The following GNPAT variants were observed in gnomAD, a reference collection of about 807,000 sequenced individuals.
GNPAT encodes the protein dihydroxyacetone phosphate acyltransferase.
In GNPAT, 30 loss-of-function variants were observed where a neutral mutation model predicts 78.4. The observed-to-expected ratio is 0.38, with a 90% CI of 0.29 to 0.52. GNPAT has a LOEUF of 0.52. Among genes scored for constraint, GNPAT ranks in the 20% least tolerant of loss-of-function variants. The pLI is 0.84. For missense variants in GNPAT, 714 were observed against 812.2 expected (o/e 0.88, Z 1.47); for synonymous variants, 271 against 281.1 (o/e 0.96, Z 0.36).
chr1:231,273,020 G>A (rs913942873), intron 11 of GNPAT, among the ~76,000 whole-genome samples: 2 of 152,076 alleles, frequency 1.3e-5, no homozygotes, highest in African/African-American at 4.8e-5. Flanking sequence ...ACATTTTCCT[G>A]TTAGCAAGTT....
rs1025481980 is a variant in GNPAT, at chr1:231,277,752, CTATG to C, written c.*212_*215del. On this transcript the variant is annotated 3_prime_UTR_variant, in exon 16 of 16. Transcript: ENST00000366647. ...GGTTAAAAGGCGTTTGTATCTGACA[CTATG>C]TGTGTGTTTTAAAATAAACTTTTGG... 25 of 544,670 alleles carry C rather than the reference CTATG, an allele frequency of 4.6e-5. No homozygotes were observed. Among genetic ancestry groups the C allele is most frequent in the Admixed American group, 6.4e-5 (2 of 31,308 alleles). 33.7% of individuals were successfully genotyped at this position (544,670 alleles called of 1,614,324 possible).
chr1:231,277,429 A>C (rs1685748576), intron 15 of GNPAT, 70 bp from the exon 16 acceptor site: 1 of 914,792 alleles, frequency 1.1e-6, no homozygotes, highest in Non-Finnish European at 1.8e-6. Context: ...ACAGTCGCCC[A>C]AGGAACAGCT....
chr1:231,274,061 A>G lies in GNPAT; in HGVS notation c.1742A>G (p.Gln581Arg), dbSNP rs770991614. The change falls in exon 12 of 16, where the codon CAG becomes CGG. Residue 581 changes from glutamine (Q) to arginine (R), a missense_variant and splice_region_variant. Gln to Arg is a conservative substitution (Grantham distance 43). Transcript: ENST00000366647. ...GLFKPFVESYQIICKYLLSEE... is the reference protein window; with the variant it reads ...GLFKPFVESYRIICKYLLSEE... ...TTTAAACCTTTTGTGGAAAGCTATCAGGTATGTAAATTTGGCAAGTTCTCC... is the reference window on the plus strand; with the variant it reads ...TTTAAACCTTTTGTGGAAAGCTATCGGGTATGTAAATTTGGCAAGTTCTCC... The G allele has an allele frequency of 6.2e-7, 1 of 1,612,956 alleles. No homozygotes were observed. Among genetic ancestry groups the G allele is most frequent in the Non-Finnish European group, 8.5e-7 (1 of 1,179,062 alleles).
intron 9 of GNPAT, among the ~76,000 whole-genome samples, chr1:231,269,398 G>C (rs924655542): frequency 6.6e-6 from 1 of 152,076 alleles, no homozygotes; most frequent in Non-Finnish European, 1.5e-5. Flanking sequence ...GGACCTCCCC[G>C]CCTCCTCCCC....
chr1:231,247,919 A>G (rs954551905), intron 1 of GNPAT, among the ~76,000 whole-genome samples: 9 of 151,998 alleles, frequency 5.9e-5, no homozygotes, highest in African/African-American at 2.2e-4. Context: ...ATGTAAGTCC[A>G]CCTTGCAAGT....
At position 231,266,317 on chromosome 1, in the gene GNPAT, G is replaced by T; in HGVS notation, c.965G>T (p.Gly322Val). 1 of 1,614,090 alleles carries T rather than the reference G, an allele frequency of 6.2e-7. No individual in the cohort carries two copies. Among genetic ancestry groups the T allele is most frequent in the Non-Finnish European group, 8.5e-7 (1 of 1,179,962 alleles). ...AGAAAGATTCTCTCTGAAAATTTTG[G>T]AAGCATCCATGTGTACTTTGGAGAT... is the stretch of plus-strand genomic sequence containing the variant. ...KARKILSENF[G>V]SIHVYFGDPV... The change falls in exon 8 of 16, where the codon GGA (glycine) becomes GTA (valine). Residue 322 changes from glycine (G) to valine (V), a missense_variant. By Grantham distance (109) the Gly-to-Val change is moderately radical. Transcript: ENST00000366647.
chr1:231,242,983 C>T (rs1246592744), intron 1 of GNPAT, among the ~76,000 whole-genome samples: 1 of 152,232 alleles, frequency 6.6e-6, no homozygotes, highest in Non-Finnish European at 1.5e-5. Context: ...TTTATTTCCC[C>T]AGCTACGCTG....
At chr1:231,256,573 G>T (rs544336522) in intron 2 of GNPAT, among the ~76,000 whole-genome samples, 1 of 126,798 alleles carries the variant, frequency 7.9e-6, no homozygotes, top group Non-Finnish European at 1.6e-5. Context: ...TGCAAGTTCC[G>T]CCTCCCAGGT....
intron 1 of GNPAT, among the ~76,000 whole-genome samples, chr1:231,241,739 C>T (rs909254818): frequency 6.6e-6 from 1 of 152,220 alleles, no homozygotes; most frequent in Non-Finnish European, 1.5e-5. Context: ...CAGAAAGCTC[C>T]TGGACACGAG....
chr1:231,241,546 TG>T, intron 1 of GNPAT, 90 bp downstream of exon 1: 1 of 995,466 alleles, frequency 1.0e-6, no homozygotes, highest in Non-Finnish European at 1.6e-6. Flanking sequence ...CCACCACCCT[TG>T]CCCAAAAGAG....
intron 2 of GNPAT, among the ~76,000 whole-genome samples, chr1:231,253,943 G>A (rs1301713809): frequency 6.6e-6 from 1 of 152,194 alleles, no homozygotes; most frequent in Non-Finnish European, 1.5e-5. Flanking sequence ...CTCCCGAGTA[G>A]CTGGGATTAC....
In GNPAT at chr1:231,258,622, A is replaced by ATTTTTT. The variant is rs748666053; in HGVS notation, c.262-1863_262-1858dup. Among the ~76,000 whole-genome samples, 166 of 73,788 alleles carry ATTTTTT rather than the reference A, an allele frequency of 2.2e-3. 28 individuals carry two copies. Among genetic ancestry groups the ATTTTTT allele is most frequent in the Middle Eastern group, 0.012 (1 of 86 alleles). The allele number at this position is 73,788 out of a possible 152,430, so 48.4% of individuals were successfully genotyped here. On this transcript the variant is annotated intron_variant, in intron 2 of 15. Coordinates refer to ENST00000366647, the MANE Select transcript of GNPAT (RefSeq NM_014236.4). ...TTTATGTTATGTGTATTTTAATGCA[A>ATTTTTT]TTTTTTTTTTTTTTTTTTTTTTTTT...
At chr1:231,244,136 C>G (rs1684689466) in intron 1 of GNPAT, among the ~76,000 whole-genome samples, 1 of 152,032 alleles carries the variant, frequency 6.6e-6, no homozygotes, top group Non-Finnish European at 1.5e-5. Context: ...GTCGAACTCC[C>G]GGTCTCAAGT....
chr1:231,250,890 C>G, intron 1 of GNPAT, 71 bp from the exon 2 acceptor site: 1 of 974,066 alleles, frequency 1.0e-6, no homozygotes, highest in Non-Finnish European at 1.7e-6. Flanking sequence ...TGAAACCTTA[C>G]CAATGTAGTC....
rs988970032 is a variant in GNPAT, at chr1:231,241,424, A to T, written c.46A>T (p.Thr16Ser). The change falls in exon 1 of 16, where the codon ACC becomes TCC. Residue 16 changes from threonine to serine, a missense_variant. Physicochemically the swap from Thr to Ser is moderately conservative, Grantham distance 58 (BLOSUM62 1). Coordinates refer to ENST00000366647, the MANE Select transcript of GNPAT (RefSeq NM_014236.4). ...TAACTCTTATTTCTCCGTTGGCCCA[A>T]CCAGTCCCAGCGCTGTCGTGCTCCT... Reference protein sequence around the residue: ...SSNSYFSVGPTSPSAVVLLYS... With the variant: ...SSNSYFSVGPSSPSAVVLLYS... The T allele has an allele frequency of 1.2e-6, 2 of 1,613,862 alleles. No individual in the cohort carries two copies. Among genetic ancestry groups the T allele is most frequent in the Non-Finnish European group, 1.7e-6 (2 of 1,179,758 alleles).
chr1:231,275,386 TC>T lies in GNPAT; in HGVS notation c.1844-17del. The T allele has an allele frequency of 1.3e-6, 2 of 1,579,610 alleles. No individual in the cohort carries two copies. The highest frequency in any genetic ancestry group is 1.7e-6 in the Non-Finnish European group (2 of 1,148,512). On this transcript the variant is annotated intron_variant, in intron 13 of 15. Transcript: ENST00000366647. Reference sequence around the variant, plus strand: ...GAATAGAAACTGGTCAACTAACTCTTCCTCACCCCCAATTTTAGGTACCTCT... The same window carrying T: ...GAATAGAAACTGGTCAACTAACTCTTCTCACCCCCAATTTTAGGTACCTCT...
intron 6 of GNPAT, 104 bp from the exon 7 acceptor site, chr1:231,265,910 C>T (rs945414986): frequency 1.8e-5 from 19 of 1,078,904 alleles, no homozygotes; most frequent in Middle Eastern, 2.0e-4. Flanking sequence ...TTGATATTTA[C>T]GGGATTAGTG....
intron 2 of GNPAT, among the ~76,000 whole-genome samples, chr1:231,258,466 T>C (rs2102810662): frequency 6.6e-6 from 1 of 152,248 alleles, no homozygotes; most frequent in East Asian, 1.9e-4. Context: ...CTGAGACCTT[T>C]GGCATGCATC....
intron 2 of GNPAT, among the ~76,000 whole-genome samples, chr1:231,257,422 C>T (rs770925175): frequency 6.6e-6 from 1 of 152,130 alleles, no homozygotes; most frequent in Non-Finnish European, 1.5e-5. Context: ...GTAAAGGTTA[C>T]CATGGATCTC....
Sources: gnomAD v4.1 joint callset for allele counts (sites outside exome capture counted in the v4.1 genomes callset) on GRCh38, gnomAD v4.1.1 for gene constraint, MANE v1.5 for transcripts, NCBI Gene and HGNC (gene_info 2026-07-23, HGNC 2026-07-21) for gene names.